GSDME: variants seen among roughly 807,000 people sequenced by gnomAD.
The protein encoded by GSDME is gasdermin-E.
A neutral mutation model predicts 47.5 loss-of-function variants in GSDME; 44 were observed. The observed-to-expected ratio is 0.93, with a 90% CI of 0.73 to 1.19. GSDME has a LOEUF of 1.19. Ranked by LOEUF, GSDME falls within the 50% of genes most tolerant of loss-of-function variation. The pLI, the probability that GSDME is intolerant of heterozygous loss-of-function variation, is 0.00. For missense variants in GSDME, 663 were observed against 604.2 expected, an observed-to-expected ratio of 1.10 and a Z score of -1.02; for synonymous variants, 258 against 252.8, an observed-to-expected ratio of 1.02 and a Z score of -0.20.
rs1229345964 is a variant in GSDME, at chr7:24,714,328, G to C, written c.697+2926C>G. On this transcript the variant is annotated intron_variant, in intron 5 of 9. Transcript: ENST00000645220. This position sits in a 1 kb window ranked among gnomAD's most constrained non-coding sequence, Gnocchi z 5.0. ...ATCCCACCAGGAAGGTAGGGAGAGA[G>C]AGCAGGCATGTCTTCTCAAGGGCCC... Among the ~76,000 whole-genome samples the C allele has an allele frequency of 1.3e-5, 2 of 152,178 alleles. No homozygotes were observed. The highest frequency in any genetic ancestry group is 2.4e-5 in the African/African-American group (1 of 41,426).
chr7:24,792,822 A>G, the GSDME span, among the ~76,000 whole-genome samples: 1 of 152,028 alleles, frequency 6.6e-6, no homozygotes, highest in Admixed American at 6.5e-5. Context: ...CCACCCTTTG[A>G]TAAGAACGTA....
chr7:24,778,282 C>T, the GSDME span, among the ~76,000 whole-genome samples: 1 of 151,884 alleles, frequency 6.6e-6, no homozygotes, highest in Non-Finnish European at 1.5e-5. This position sits in a 1 kb window ranked among gnomAD's most constrained non-coding sequence, Gnocchi z 5.6. Context: ...GGAACCCAGA[C>T]ATGGATAGAC....
the GSDME span, among the ~76,000 whole-genome samples, chr7:24,789,487 A>G: frequency 2.0e-5 from 3 of 152,228 alleles, no homozygotes; most frequent in African/African-American, 4.8e-5. Context: ...CAAGGGGTAC[A>G]TGACTGGGGG....
chr7:24,755,397 C>T (rs747676387), intron 1 of GSDME, among the ~76,000 whole-genome samples: 2 of 152,136 alleles, frequency 1.3e-5, no homozygotes, highest in Non-Finnish European at 2.9e-5. Context: ...TCATTTTTGA[C>T]GAGATTTACG....
In GSDME at chr7:24,726,367, C is replaced by T. The variant is rs757732823; in HGVS notation, c.405-7149G>A. On this transcript the variant is annotated intron_variant, in intron 3 of 9. Transcript: ENST00000645220. The surrounding 1 kb of genome is among the most constrained non-coding windows in gnomAD (Gnocchi z 5.6). ...TGCCTCCTGCAGAGACACAGGAGGG[C>T]GAGCTTTGTCATGCAGACCCCACAC... Among the ~76,000 whole-genome samples the T allele has an allele frequency of 2.0e-5, 3 of 152,086 alleles. No individual in the cohort carries two copies. The highest frequency in any genetic ancestry group is 4.8e-5 in the African/African-American group (2 of 41,412).
the GSDME span, among the ~76,000 whole-genome samples, chr7:24,794,024 G>A: frequency 3.2e-4 from 48 of 152,292 alleles, no homozygotes; most frequent in Admixed American, 2.9e-3. Context: ...CAACAAAGTG[G>A]TATTGGAGTG....
rs781275023 is a variant in GSDME at position 24,719,222 on chromosome 7, A to G, written c.405-4T>C. On this transcript the variant is annotated splice_polypyrimidine_tract_variant and splice_region_variant and intron_variant, in intron 3 of 9. Coordinates refer to ENST00000645220, the MANE Select transcript of GSDME (RefSeq NM_001127453.2). ...AGGGTTTCTCAGATTTATTGTTCTG[A>G]AAAAGAAAAACGGATGTGAGTGGCT... 1 of 1,609,738 alleles carries G rather than the reference A, an allele frequency of 6.2e-7. No homozygotes were observed. The highest frequency in any genetic ancestry group is 1.1e-5 in the South Asian group (1 of 91,070).
At chr7:24,786,794 T>C in the GSDME span, among the ~76,000 whole-genome samples, 1 of 152,308 alleles carries the variant, frequency 6.6e-6, no homozygotes, top group East Asian at 1.9e-4. This position sits in a 1 kb window ranked among gnomAD's most constrained non-coding sequence, Gnocchi z 5.5. Flanking sequence ...TACTTAAAAA[T>C]GGTTAAAATG....
In GSDME at chr7:24,739,657, T is replaced by C. The variant is rs1790423410; in HGVS notation, c.404+4905A>G. Among the ~76,000 whole-genome samples, 2 of 152,216 alleles carry C rather than the reference T, an allele frequency of 1.3e-5. No homozygotes were observed. The highest frequency in any genetic ancestry group is 4.1e-4 in the South Asian group (2 of 4,834). On this transcript the variant is annotated intron_variant, in intron 3 of 9. Coordinates refer to ENST00000645220, the MANE Select transcript of GSDME (RefSeq NM_001127453.2). This position sits in a 1 kb window ranked among gnomAD's most constrained non-coding sequence, Gnocchi z 5.1. ...GTACCCAAAAGAAAGGAAATCAGTA[T>C]ACTGAGGAGCTATCTGCACTCCTAC...
chr7:24,791,835 C>A, the GSDME span, among the ~76,000 whole-genome samples: 1 of 152,202 alleles, frequency 6.6e-6, no homozygotes, highest in Non-Finnish European at 1.5e-5. The surrounding 1 kb of genome is among the most constrained non-coding windows in gnomAD (Gnocchi z 4.8). Flanking sequence ...CTCACTGCAT[C>A]CCTTCAGGTC....
chr7:24,776,570 A>G, the GSDME span, among the ~76,000 whole-genome samples: 2 of 152,180 alleles, frequency 1.3e-5, no homozygotes, highest in African/African-American at 4.8e-5. Flanking sequence ...CAGGTTTTTG[A>G]TATGTGATCA....
the GSDME span, among the ~76,000 whole-genome samples, chr7:24,784,725 A>G: frequency 6.9e-6 from 1 of 145,546 alleles, no homozygotes; most frequent in East Asian, 2.0e-4. Flanking sequence ...ACTGCTGGCT[A>G]ATTTTTGTAT....
At position 24,698,687 on chromosome 7, in the gene GSDME, T is replaced by C; in HGVS notation, c.*339A>G. 2.7e-6 allele frequency: 1 copy of C among 364,298 alleles called. No individual in the cohort carries two copies. Among genetic ancestry groups the C allele is most frequent in the Non-Finnish European group, 5.2e-6 (1 of 190,944 alleles). The allele number at this position is 364,298 out of a possible 1,614,324, so 22.6% of individuals were successfully genotyped here. On this transcript the variant is annotated 3_prime_UTR_variant, in exon 10 of 10. Coordinates refer to ENST00000645220, the MANE Select transcript of GSDME (RefSeq NM_001127453.2). ...TTGGATTAAAGGGTCAGACTCTTTC[T>C]ATGTAACAAAAAGTGGAATGCAAGT...
Position 24,708,229 on chromosome 7 carries a change from G to A in GSDME, c.888C>T (p.Phe296=). The change falls in exon 7 of 10, where the codon TTC becomes TTT. Residue 296 remains phenylalanine, a synonymous_variant. Transcript: ENST00000645220. ...GCTCAGGCAGCTCCGCAAATGGATGGAAATTCCTCTCCAGGAGCAGGGTCG... is the reference window on the plus strand; with the variant it reads ...GCTCAGGCAGCTCCGCAAATGGATGAAAATTCCTCTCCAGGAGCAGGGTCG... ...KQATLLLERN[F]HPFAELPEPQ... 1.9e-6 allele frequency: 3 copies of A among 1,614,118 alleles called. No homozygotes were observed. Among genetic ancestry groups the A allele is most frequent in the Non-Finnish European group, 2.5e-6 (3 of 1,180,024 alleles).
chr7:24,718,534 G>A (rs1300355124), intron 4 of GSDME, among the ~76,000 whole-genome samples: 1 of 152,208 alleles, frequency 6.6e-6, no homozygotes, highest in Non-Finnish European at 1.5e-5. Flanking sequence ...AGAGGCTCTA[G>A]GGATTCTTTT....
chr7:24,759,471 TG>T (rs1308701418), upstream of GSDME, among the ~76,000 whole-genome samples: 1 of 152,218 alleles, frequency 6.6e-6, no homozygotes, highest in African/African-American at 2.4e-5. Context: ...CTATTATTTA[TG>T]TAGCACTTTC....
chr7:24,763,426 G>T, the GSDME span, among the ~76,000 whole-genome samples: 4 of 151,628 alleles, frequency 2.6e-5, no homozygotes, highest in Admixed American at 2.6e-4. This position sits in a 1 kb window ranked among gnomAD's most constrained non-coding sequence, Gnocchi z 4.3. Context: ...CTCAAACACT[G>T]CAATGTCATG....
At chr7:24,762,139 A>G (rs1255575960), upstream of GSDME, among the ~76,000 whole-genome samples, 2 of 151,836 alleles carry the variant, frequency 1.3e-5, no homozygotes, top group Non-Finnish European at 2.9e-5. Flanking sequence ...CTGTAGTCCC[A>G]GCTACTCGGG....
At chr7:24,777,076 A>G in the GSDME span, among the ~76,000 whole-genome samples, 2 of 152,318 alleles carry the variant, frequency 1.3e-5, no homozygotes, top group South Asian at 2.1e-4. Context: ...AAAAGTAACG[A>G]ATTACTTTTA....
Sources: gnomAD v4.1 joint callset for allele counts (sites outside exome capture counted in the v4.1 genomes callset) on GRCh38, gnomAD v4.1.1 for gene constraint, Gnocchi (gnomAD v3.1) non-coding constraint, MANE v1.5 for transcripts, NCBI Gene and HGNC (gene_info 2026-07-23, HGNC 2026-07-21) for gene names.